CSMD3: variants seen among roughly 807,000 people sequenced by gnomAD.
CSMD3 encodes CUB and sushi domain-containing protein 3.
In CSMD3, 177 loss-of-function variants were observed where a neutral mutation model predicts 435.2. That is an observed-to-expected ratio of 0.41 (90% confidence interval 0.36 to 0.46). CSMD3 has a LOEUF of 0.46. CSMD3 is among the 20% of genes least tolerant of loss of function. CSMD3 has a pLI of 0.34. For missense variants in CSMD3, 4,265 were observed against 4,504.6 expected, an observed-to-expected ratio of 0.95 and a Z score of 1.52; for synonymous variants, 1,656 against 1,520.5, an observed-to-expected ratio of 1.09 and a Z score of -2.07.
At chr8:113,306,114 A>G (rs1347817138) in intron 2 of CSMD3, among the ~76,000 whole-genome samples, 1 of 152,156 alleles carries the variant, frequency 6.6e-6, no homozygotes, top group East Asian at 1.9e-4. Context: ...ACAAAACTCT[A>G]GTATTGCTTT....
intron 5 of CSMD3, among the ~76,000 whole-genome samples, chr8:113,078,828 G>T (rs563625565): frequency 6.6e-6 from 1 of 152,086 alleles, no homozygotes; most frequent in Non-Finnish European, 1.5e-5. Context: ...TGTAAATGCC[G>T]CAGAAAGCAG....
chr8:112,741,713 C>T (rs1015413724), intron 13 of CSMD3, among the ~76,000 whole-genome samples: 1 of 150,648 alleles, frequency 6.6e-6, no homozygotes, highest in African/African-American at 2.4e-5. Context: ...AATTTAAAAG[C>T]CCCCCCCATC....
chr8:112,483,758 A>G (rs889592484), intron 31 of CSMD3, among the ~76,000 whole-genome samples: 3 of 152,200 alleles, frequency 2.0e-5, no homozygotes, highest in African/African-American at 7.2e-5. Context: ...CTTAGAGGTA[A>G]TAGCAGAAGA....
intron 1 of CSMD3, among the ~76,000 whole-genome samples, chr8:113,343,562 C>T (rs532427560): frequency 3.3e-5 from 5 of 152,212 alleles, no homozygotes; most frequent in East Asian, 1.9e-4. Context: ...GAAGAACTAT[C>T]GTACAGGCTC....
chr8:113,413,574 C>A (rs2094568870), intron 1 of CSMD3, among the ~76,000 whole-genome samples: 1 of 152,070 alleles, frequency 6.6e-6, no homozygotes, highest in Non-Finnish European at 1.5e-5. Context: ...TCACAGAACT[C>A]AGGGTTTTGT....
At chr8:112,989,836 T>G (rs1246361110) in intron 6 of CSMD3, among the ~76,000 whole-genome samples, 1 of 152,032 alleles carries the variant, frequency 6.6e-6, no homozygotes, top group Non-Finnish European at 1.5e-5. Flanking sequence ...TGATATGGTT[T>G]CACTGTGTCC....
At chr8:112,352,924 A>T (rs1384528740) in intron 38 of CSMD3, among the ~76,000 whole-genome samples, 1 of 150,762 alleles carries the variant, frequency 6.6e-6, no homozygotes. Context: ...AAACATTCTT[A>T]GCAAAAACTT....
intron 3 of CSMD3, among the ~76,000 whole-genome samples, chr8:113,230,768 T>C (rs925902713): frequency 6.6e-6 from 1 of 151,552 alleles, no homozygotes; most frequent in Non-Finnish European, 1.5e-5. Context: ...TTTTTTATGT[T>C]TGAAAATGGA....
intron 1 of CSMD3, among the ~76,000 whole-genome samples, chr8:113,346,753 ATAATT>A (rs1342940254): frequency 6.6e-6 from 1 of 152,116 alleles, no homozygotes; most frequent in Non-Finnish European, 1.5e-5. Flanking sequence ...AAATTATAAA[ATAATT>A]TATAGTTGAA....
At chr8:113,373,072 T>C (rs2094357065) in intron 1 of CSMD3, among the ~76,000 whole-genome samples, 1 of 152,228 alleles carries the variant, frequency 6.6e-6, no homozygotes, top group African/African-American at 2.4e-5. Flanking sequence ...ATTAGCGTTT[T>C]CATTTAATCT....
In CSMD3 at chr8:112,287,167, A is replaced by G. The variant is rs1286079335; in HGVS notation, c.9228T>C (p.Ser3076=). ...CAGTATCACAAGCATAACGTACAGT[A>G]CTTTTAGTTCTGAAATTGCTTTCCT... ...SRQESNFRTK[S]TVRYACDTGY... The change falls in exon 58 of 71, where the codon AGT becomes AGC. Residue 3076 remains serine (S), a synonymous_variant. Coordinates refer to ENST00000297405, the MANE Select transcript of CSMD3 (RefSeq NM_198123.2). 3 of 1,613,738 alleles carry G rather than the reference A, an allele frequency of 1.9e-6. No individual in the cohort carries two copies. Among genetic ancestry groups the G allele is most frequent in the Non-Finnish European group, 2.5e-6 (3 of 1,179,786 alleles).
intron 59 of CSMD3, among the ~76,000 whole-genome samples, chr8:112,270,369 T>TGTGTGTGTGTGTTAGGGGTGA (rs1554623046): frequency 2.2e-3 from 332 of 150,574 alleles, no homozygotes; most frequent in African/African-American, 7.7e-3. Flanking sequence ...TGTGTGTGTG[T>TGTGTGTGTGTGTTAGGGGTGA]GTGTGTGTGT....
intron 13 of CSMD3, among the ~76,000 whole-genome samples, chr8:112,729,625 C>T: frequency 6.6e-6 from 1 of 152,022 alleles, no homozygotes; most frequent in African/African-American, 2.4e-5. Flanking sequence ...TCTGTGTGAG[C>T]CCTAAATGAC....
chr8:113,204,856 G>A (rs995132839), intron 3 of CSMD3, among the ~76,000 whole-genome samples: 6 of 152,072 alleles, frequency 3.9e-5, no homozygotes, highest in Non-Finnish European at 5.9e-5. Flanking sequence ...AAAGAAAGAC[G>A]TTTAATTGGA....
intron 59 of CSMD3, among the ~76,000 whole-genome samples, chr8:112,273,259 T>C (rs1314445915): frequency 6.7e-6 from 1 of 148,490 alleles, no homozygotes; most frequent in African/African-American, 2.5e-5. Context: ...TATCCATAAA[T>C]AAACAAAATT....
intron 50 of CSMD3, 48 bp downstream of exon 50, chr8:112,310,930 C>A (rs1821921036): frequency 6.8e-7 from 1 of 1,468,776 alleles, no homozygotes; most frequent in Non-Finnish European, 9.5e-7. Flanking sequence ...TTAAATGGTG[C>A]TAATCTCACA....
chr8:113,247,844 C>T (rs2132279230), intron 3 of CSMD3, among the ~76,000 whole-genome samples: 1 of 152,108 alleles, frequency 6.6e-6, no homozygotes, highest in Admixed American at 6.6e-5. Flanking sequence ...GTTACAGTAG[C>T]TTATATTAAT....
intron 16 of CSMD3, among the ~76,000 whole-genome samples, chr8:112,666,709 G>A (rs73340540): frequency 4.6e-5 from 7 of 152,012 alleles, no homozygotes; most frequent in South Asian, 2.1e-4. Flanking sequence ...TCTCTCCATC[G>A]TCATCTTTGT....
intron 5 of CSMD3, among the ~76,000 whole-genome samples, chr8:113,055,483 T>G (rs116863146): frequency 9.9e-4 from 151 of 152,312 alleles, no homozygotes; most frequent in Non-Finnish European, 1.5e-3. Flanking sequence ...AGTGTGCACT[T>G]TTTACCCAAG....
Sources: gnomAD v4.1 joint callset for allele counts (sites outside exome capture counted in the v4.1 genomes callset) on GRCh38, gnomAD v4.1.1 for gene constraint, MANE v1.5 for transcripts, NCBI Gene and HGNC (gene_info 2026-07-23, HGNC 2026-07-21) for gene names.